The following SPATA31C2 variants were observed in gnomAD, a reference collection of about 807,000 sequenced individuals.
The protein encoded by SPATA31C2 is spermatogenesis-associated protein 31C2.
SPATA31C2 carries 5 observed loss-of-function variants against 11.4 expected under a neutral mutation model. The observed-to-expected ratio is 0.44, with a 90% CI of 0.23 to 0.92. The LOEUF is 0.92. SPATA31C2 is among the 40% of genes least tolerant of loss of function. The pLI is 0.24. For missense variants in SPATA31C2, 1,353 were observed against 1,368.6 expected (o/e 0.99, Z 0.18); for synonymous variants, 515 against 538.7 (o/e 0.96, Z 0.61).
rs756235959 is a variant in SPATA31C2 at position 88,130,563 on chromosome 9, C to T, written c.2474G>A (p.Gly825Asp). ...TTTGCTGGCGCCTGGAGCCTTGAAA[C>T]CACGCACATCCTCACTTGTGGCTTG... Reference protein sequence around the residue: ...NLQATSEDVRGFKAPGASKSS... With the variant: ...NLQATSEDVRDFKAPGASKSS... The change falls in exon 4 of 4, where the codon GGT becomes GAT. Residue 825 changes from glycine (G) to aspartate (D), a missense_variant. By Grantham distance (94) the Gly-to-Asp change is moderately conservative. Transcript: ENST00000324915. 1.9e-6 allele frequency: 3 copies of T among 1,613,340 alleles called. No homozygotes were observed. The highest frequency in any genetic ancestry group is 2.2e-5 in the South Asian group (2 of 91,056).
At position 88,130,823 on chromosome 9, in the gene SPATA31C2, A is replaced by G. The variant is rs1563961634; in HGVS notation, c.2214T>C (p.Cys738=). ...CTCGCGGGGCCCTCTGGAACTGCTT[A>G]CATGCAGGTGAGGAGGCCTGAAGCC... ...PERLQASSPA[C]KQFQRAPRGI... The change falls in exon 4 of 4, where the codon TGT becomes TGC. Residue 738 remains cysteine (C), a synonymous_variant. Transcript: ENST00000324915. The G allele has an allele frequency of 6.2e-7, 1 of 1,613,224 alleles. No homozygotes were observed. Among genetic ancestry groups the G allele is most frequent in the Admixed American group, 1.7e-5 (1 of 60,024 alleles).
At position 88,130,911 on chromosome 9, in the gene SPATA31C2, T is replaced by G; in HGVS notation, c.2126A>C (p.Glu709Ala). Reference protein sequence around the residue: ...SKVEVATFLGEPPMASLRKQV... With the variant: ...SKVEVATFLGAPPMASLRKQV... ...CTTTCTCAGACTTGCCATTGGTGGC[T>G]CTCCAAGGAACGTGGCCACCTCAAC... is the stretch of plus-strand genomic sequence containing the variant. Residue 709 changes from glutamate to alanine, a missense_variant, in exon 4 of 4, where the codon GAG becomes GCG. By Grantham distance (107) the Glu-to-Ala change is moderately radical (BLOSUM62 -1). Coordinates refer to ENST00000324915, the MANE Select transcript of SPATA31C2 (RefSeq NM_001350978.3). 1 of 1,613,748 alleles carries G rather than the reference T, an allele frequency of 6.2e-7. No individual in the cohort carries two copies. The highest frequency in any genetic ancestry group is 1.3e-5 in the African/African-American group (1 of 75,038).
chr9:88,131,526 G>T lies in SPATA31C2; in HGVS notation c.1511C>A (p.Thr504Lys). 6.2e-7 allele frequency: 1 copy of T among 1,611,652 alleles called. No homozygotes were observed. Among genetic ancestry groups the T allele is most frequent in the African/African-American group, 1.3e-5 (1 of 74,912 alleles). The change falls in exon 4 of 4, where the codon ACG becomes AAG. Residue 504 changes from threonine to lysine, a missense_variant. Around this residue, in one of 6 missense-constraint regions of SPATA31C2, gnomAD observed 1,075 missense variants for 992.8 expected, o/e 1.08. Transcript: ENST00000324915. ...STGESSKEAQ[T>K]VKFQLERDPC... ...GTCCCTCTCTAGCTGGAACTTCACC[G>T]TCTGTGCCTCCTTGCTGCTTTCACC...
In SPATA31C2 at chr9:88,132,653, C is replaced by G. The variant is rs373019664; in HGVS notation, c.384G>C (p.Pro128=). 9.3e-6 allele frequency: 15 copies of G among 1,608,686 alleles called. No individual in the cohort carries two copies. The highest frequency in any genetic ancestry group is 1.3e-5 in the Non-Finnish European group (15 of 1,177,240). Residue 128 remains proline (P), a synonymous_variant, in exon 4 of 4, where the codon CCG becomes CCC. Transcript: ENST00000324915. ...GTGTTCTTTTGCCCACCTCACCTGG[C>G]GGGTCTGGACCAGAGAGCTGACCAA... ...GDFGQLSGPD[P]PGEVGKRTPD...
In SPATA31C2 at chr9:88,131,507, C is replaced by T; in HGVS notation, c.1530G>A (p.Glu510=). The change falls in exon 4 of 4, where the codon GAG becomes GAA. Residue 510 remains glutamate (E), a synonymous_variant. Coordinates refer to ENST00000324915, the MANE Select transcript of SPATA31C2 (RefSeq NM_001350978.3). The part of the protein sequence containing the change: ...KEAQTVKFQL[E]RDPCPHLGQI... The stretch of plus-strand genomic sequence containing the variant: ...GCCCCAGATGTGGGCATGGGTCCCT[C>T]TCTAGCTGGAACTTCACCGTCTGTG... The T allele has an allele frequency of 6.2e-7, 1 of 1,611,762 alleles. No individual in the cohort carries two copies. Among genetic ancestry groups the T allele is most frequent in the Non-Finnish European group, 8.5e-7 (1 of 1,179,740 alleles).
In SPATA31C2 at chr9:88,130,267, C is replaced by G. The variant is rs1314073058; in HGVS notation, c.2770G>C (p.Ala924Pro). Residue 924 changes from alanine to proline, a missense_variant, in exon 4 of 4, where the codon GCC (alanine) becomes CCC (proline). Around this residue, in one of 6 missense-constraint regions of SPATA31C2, gnomAD observed 1,075 missense variants for 992.8 expected, o/e 1.08. Coordinates refer to ENST00000324915, the MANE Select transcript of SPATA31C2 (RefSeq NM_001350978.3). ...ASQELCDLMSARRSNMGHKEP... is the reference protein window; with the variant it reads ...ASQELCDLMSPRRSNMGHKEP... ...TTGTGCCCCATGTTACTCCTTCTGGCTGACATGAGGTCACATAGCTCCTGG... is the reference window on the plus strand; with the variant it reads ...TTGTGCCCCATGTTACTCCTTCTGGGTGACATGAGGTCACATAGCTCCTGG... The G allele has an allele frequency of 6.2e-7, 1 of 1,609,338 alleles. No individual in the cohort carries two copies. Among genetic ancestry groups the G allele is most frequent in the African/African-American group, 1.3e-5 (1 of 74,744 alleles).
rs184042474 is a variant in SPATA31C2, at chr9:88,131,695, C to T, written c.1342G>A (p.Glu448Lys). ...TGTTGCTCCAGTTGTCTCCAGAGTT[C>T]AGGACTGACTGGAAAGTTCTCAGGC... Reference protein sequence around the residue: ...ILPENFPVSPELWRQLEQHMG... With the variant: ...ILPENFPVSPKLWRQLEQHMG... Residue 448 changes from glutamate (E) to lysine (K), a missense_variant, in exon 4 of 4, where the codon GAA becomes AAA. By Grantham distance (56) the Glu-to-Lys change is moderately conservative. Transcript: ENST00000324915. 3.1e-6 allele frequency: 5 copies of T among 1,611,974 alleles called. No homozygotes were observed. Among genetic ancestry groups the T allele is most frequent in the Non-Finnish European group, 8.5e-7 (1 of 1,179,844 alleles).
chr9:88,133,966 A>G (rs28473404), intron 1 of SPATA31C2, among the ~76,000 whole-genome samples: 164 of 150,680 alleles, frequency 1.1e-3, no homozygotes, highest in East Asian at 2.7e-3. Context: ...AGACCAGCCT[A>G]GCCATGGTGA....
intron 1 of SPATA31C2, among the ~76,000 whole-genome samples, chr9:88,135,361 C>T (rs1424699821): frequency 1.1e-4 from 10 of 94,200 alleles, no homozygotes; most frequent in Non-Finnish European, 3.5e-5. Flanking sequence ...TTCAGAATCT[C>T]GTTCGTCCTC....
Position 88,132,390 on chromosome 9 carries a change from G to A in SPATA31C2, c.647C>T (p.Thr216Ile). The change falls in exon 4 of 4, where the codon ACT (threonine) becomes ATT (isoleucine). Residue 216 changes from threonine to isoleucine, a missense_variant. Physicochemically the swap from Thr to Ile is moderately conservative, Grantham distance 89. Around this residue, in one of 6 missense-constraint regions of SPATA31C2, gnomAD observed 1,075 missense variants for 992.8 expected, o/e 1.08. Coordinates refer to ENST00000324915, the MANE Select transcript of SPATA31C2 (RefSeq NM_001350978.3). ...PPALFPHPPR[T>I]PDPLACSPPP... is the part of the protein sequence containing the mutation. ...CGGAGAGCAGGCCAGAGGATCAGGA[G>A]TGCGTGGTGGGTGAGGGAAAAGTGC... 1 of 1,611,174 alleles carries A rather than the reference G, an allele frequency of 6.2e-7. No individual in the cohort carries two copies. Among genetic ancestry groups the A allele is most frequent in the Non-Finnish European group, 8.5e-7 (1 of 1,178,078 alleles).
Position 88,130,896 on chromosome 9 carries a change from C to G in SPATA31C2, c.2141G>C (p.Ser714Thr). The G allele has an allele frequency of 6.2e-7, 1 of 1,613,826 alleles. No homozygotes were observed. The highest frequency in any genetic ancestry group is 8.5e-7 in the Non-Finnish European group (1 of 1,179,878). ...TTTGGTCAGCACCTGCTTTCTCAGA[C>G]TTGCCATTGGTGGCTCTCCAAGGAA... ...ATFLGEPPMA[S>T]LRKQVLTKPS... The change falls in exon 4 of 4, where the codon AGT becomes ACT. Residue 714 changes from serine to threonine, a missense_variant. By Grantham distance (58) the Ser-to-Thr change is moderately conservative. Coordinates refer to ENST00000324915, the MANE Select transcript of SPATA31C2 (RefSeq NM_001350978.3).
In SPATA31C2 at chr9:88,129,853, T is replaced by C; in HGVS notation, c.3184A>G (p.Ile1062Val). The change falls in exon 4 of 4, where the codon ATA becomes GTA. Residue 1062 changes from isoleucine (I) to valine (V), a missense_variant. Ile to Val is a conservative substitution (Grantham distance 29). Coordinates refer to ENST00000324915, the MANE Select transcript of SPATA31C2 (RefSeq NM_001350978.3). ...AERLMTAVGQ[I>V]LEENMSLCHA... ...CAAAGTGACATGTTCTCCTCCAGTA[T>C]CTGTCCAACTGCTGTCATGAGCCTC... is the stretch of plus-strand genomic sequence containing the variant. 1 of 1,605,020 alleles carries C rather than the reference T, an allele frequency of 6.2e-7. No individual in the cohort carries two copies. The highest frequency in any genetic ancestry group is 8.5e-7 in the Non-Finnish European group (1 of 1,174,132).
At position 88,131,663 on chromosome 9, in the gene SPATA31C2, C is replaced by T; in HGVS notation, c.1374G>A (p.Gly458=). The T allele has an allele frequency of 6.2e-7, 1 of 1,611,998 alleles. No homozygotes were observed. The highest frequency in any genetic ancestry group is 8.5e-7 in the Non-Finnish European group (1 of 1,179,854). ...ELWRQLEQHM[G]QRGRIQESLD... Reference sequence around the variant, plus strand: ...GAGACTCTTGGATCCTTCCACGTTGCCCCATGTGTTGCTCCAGTTGTCTCC... The same window carrying T: ...GAGACTCTTGGATCCTTCCACGTTGTCCCATGTGTTGCTCCAGTTGTCTCC... The change falls in exon 4 of 4, where the codon GGG becomes GGA. Residue 458 remains glycine, a synonymous_variant. Transcript: ENST00000324915.
rs761368639 is a variant in SPATA31C2 at position 88,132,324 on chromosome 9, G to T, written c.713C>A (p.Ser238Tyr). The part of the protein sequence containing the change: ...KGFTPPPLRD[S>Y]TLLTPSHCDS... ...ACAGTGAGATGGTGTTAACAGAGTGGAGTCCCGCAGGGGAGGAGGAGTGAA... is the reference window on the plus strand; with the variant it reads ...ACAGTGAGATGGTGTTAACAGAGTGTAGTCCCGCAGGGGAGGAGGAGTGAA... The change falls in exon 4 of 4, where the codon TCC (serine) becomes TAC (tyrosine). Residue 238 changes from serine (S) to tyrosine (Y), a missense_variant. By Grantham distance (144) the Ser-to-Tyr change is moderately radical (BLOSUM62 -2). This residue lies in a region of SPATA31C2 where 1,075 missense variants were observed against 992.8 expected (regional missense o/e 1.08). Transcript: ENST00000324915. The T allele has an allele frequency of 6.2e-7, 1 of 1,610,950 alleles. No individual in the cohort carries two copies. Among genetic ancestry groups the T allele is most frequent in the Non-Finnish European group, 8.5e-7 (1 of 1,177,836 alleles).
Position 88,130,396 on chromosome 9 carries a change from G to A in SPATA31C2, c.2641C>T (p.Pro881Ser), listed in dbSNP as rs765524763. 6.2e-7 allele frequency: 1 copy of A among 1,611,716 alleles called. No individual in the cohort carries two copies. Among genetic ancestry groups the A allele is most frequent in the Non-Finnish European group, 8.5e-7 (1 of 1,179,468 alleles). Residue 881 changes from proline (P) to serine (S), a missense_variant, in exon 4 of 4, where the codon CCA becomes TCA. This residue lies in a region of SPATA31C2 where 1,075 missense variants were observed against 992.8 expected (regional missense o/e 1.08). Coordinates refer to ENST00000324915, the MANE Select transcript of SPATA31C2 (RefSeq NM_001350978.3). ...GGCACAACAGATGCTTGCCCATCTG[G>A]AAGGAGCACAACAGTGGCAGAAACT... ...PQVSATVVLL[P>S]DGQASVVPHA...
intron 1 of SPATA31C2, 110 bp from the exon 2 acceptor site, chr9:88,133,779 G>C: frequency 1.5e-6 from 2 of 1,370,490 alleles, no homozygotes; most frequent in African/African-American, 1.6e-5. Context: ...GTCTTGCTCA[G>C]GGAGCTCTGT....
rs62579097 is a variant in SPATA31C2, at chr9:88,130,756, T to C, written c.2281A>G (p.Thr761Ala). The part of the protein sequence containing the change: ...SNDHGSLKAP[T>A]AGQEGRWPSK... ...GGCCACCTGCCCTCCTGTCCAGCTGTAGGAGCCTTCAAGGACCCATGATCA... is the reference window on the plus strand; with the variant it reads ...GGCCACCTGCCCTCCTGTCCAGCTGCAGGAGCCTTCAAGGACCCATGATCA... Residue 761 changes from threonine (T) to alanine (A), a missense_variant, in exon 4 of 4, where the codon ACA becomes GCA. Thr to Ala is a moderately conservative substitution (Grantham distance 58, BLOSUM62 0). This residue lies in a region of SPATA31C2 where 1,075 missense variants were observed against 992.8 expected (regional missense o/e 1.08). Coordinates refer to ENST00000324915, the MANE Select transcript of SPATA31C2 (RefSeq NM_001350978.3). 0.035 allele frequency: 55,687 copies of C among 1,613,314 alleles called. 1,148 individuals carry two copies. The highest frequency in any genetic ancestry group is 0.082 in the Middle Eastern group (453 of 5,498).
Position 88,131,088 on chromosome 9 carries a change from A to T in SPATA31C2, c.1949T>A (p.Ile650Asn), listed in dbSNP as rs1273701909. The T allele has an allele frequency of 6.2e-7, 1 of 1,611,898 alleles. No individual in the cohort carries two copies. Among genetic ancestry groups the T allele is most frequent in the African/African-American group, 1.3e-5 (1 of 74,862 alleles). Residue 650 changes from isoleucine (I) to asparagine (N), a missense_variant, in exon 4 of 4, where the codon ATT becomes AAT. By Grantham distance (149) the Ile-to-Asn change is moderately radical. Transcript: ENST00000324915. ...PCTQQVLGAH[I>N]VRFWAKHRWG... is the part of the protein sequence containing the mutation. ...CCTGTGTTTGGCCCAAAACCTCACA[A>T]TATGGGCTCCCAGCACCTGCTGAGT... is the stretch of plus-strand genomic sequence containing the variant.
Position 88,129,952 on chromosome 9 carries a change from C to G in SPATA31C2, c.3085G>C (p.Ala1029Pro). ...TTTTGGCTCTCAGCAGTGACTGGTG[C>G]TGGCTTCCTTTCTTTCTTTGAAAAA... is the stretch of plus-strand genomic sequence containing the variant. ...TIFSKKERKPAPVTAESQKTV... is the reference protein window; with the variant it reads ...TIFSKKERKPPPVTAESQKTV... The change falls in exon 4 of 4, where the codon GCA becomes CCA. Residue 1029 changes from alanine to proline, a missense_variant. Transcript: ENST00000324915. 1 of 1,608,062 alleles carries G rather than the reference C, an allele frequency of 6.2e-7. No homozygotes were observed. Among genetic ancestry groups the G allele is most frequent in the Non-Finnish European group, 8.5e-7 (1 of 1,176,088 alleles).
Sources: gnomAD v4.1 joint callset for allele counts (sites outside exome capture counted in the v4.1 genomes callset) on GRCh38, gnomAD v4.1.1 for gene constraint, gnomAD v4.1.1 regional missense constraint, MANE v1.5 for transcripts, NCBI Gene and HGNC (gene_info 2026-07-23, HGNC 2026-07-21) for gene names.